LRP1B: variants seen among roughly 807,000 people sequenced by gnomAD.
The protein encoded by LRP1B is LDL receptor related protein 1B.
Under a neutral mutation model 556.6 loss-of-function variants are expected in LRP1B, and 217 were observed. That is an observed-to-expected ratio of 0.39 (90% CI 0.35 to 0.44). The LOEUF is 0.44. Among genes scored for constraint, LRP1B ranks in the 20% least tolerant of loss-of-function variants. LRP1B has a pLI of 1.00. For missense variants in LRP1B, 5,053 were observed against 5,620.8 expected (o/e 0.90, Z 3.23); for synonymous variants, 2,047 against 1,865.8 (o/e 1.10, Z -2.50).
At chr2:140,834,253 T>A (rs1691820431) in intron 31 of LRP1B, among the ~76,000 whole-genome samples, 1 of 152,180 alleles carries the variant, frequency 6.6e-6, no homozygotes, top group Admixed American at 6.5e-5. Flanking sequence ...TATTATTATT[T>A]TTTGAGACGG....
At chr2:142,002,116 T>C (rs759309601) in intron 1 of LRP1B, among the ~76,000 whole-genome samples, 7 of 152,090 alleles carry the variant, frequency 4.6e-5, no homozygotes, top group Non-Finnish European at 7.4e-5. Context: ...ATATCACAAG[T>C]AGGAACCACT....
chr2:140,771,048 T>C (rs977623943), intron 33 of LRP1B, 42 bp from the exon 34 acceptor site: 1 of 1,482,568 alleles, frequency 6.7e-7, no homozygotes, highest in Non-Finnish European at 9.1e-7. Flanking sequence ...TAATGAAATT[T>C]TTAAAAAATA....
At chr2:140,745,745 C>G (rs952322897) in intron 35 of LRP1B, among the ~76,000 whole-genome samples, 2 of 152,020 alleles carry the variant, frequency 1.3e-5, no homozygotes, top group East Asian at 3.9e-4. Flanking sequence ...ATTTTGCCAT[C>G]CTTGGTATAA....
intron 3 of LRP1B, among the ~76,000 whole-genome samples, chr2:141,276,106 G>A (rs17529995): frequency 6.6e-6 from 1 of 151,888 alleles, no homozygotes; most frequent in African/African-American, 2.4e-5. Flanking sequence ...TTTGGTGAAG[G>A]CTATCTTAGC....
intron 27 of LRP1B, among the ~76,000 whole-genome samples, chr2:140,857,275 T>C (rs2105133352): frequency 6.6e-6 from 1 of 152,312 alleles, no homozygotes; most frequent in Non-Finnish European, 1.5e-5. Flanking sequence ...AAGATTTTTC[T>C]CCCTCCCATG....
At chr2:142,039,478 GA>G (rs978337582) in intron 1 of LRP1B, among the ~76,000 whole-genome samples, 7 of 150,944 alleles carry the variant, frequency 4.6e-5, no homozygotes, top group African/African-American at 1.7e-4. Context: ...TCCGAAAACA[GA>G]AAAAAACAGA....
chr2:141,497,921 T>C (rs941366379), intron 2 of LRP1B, among the ~76,000 whole-genome samples: 1 of 151,938 alleles, frequency 6.6e-6, no homozygotes, highest in South Asian at 2.1e-4. Context: ...TTTTAAGACA[T>C]GTTTCTAAAA....
chr2:141,478,493 C>A (rs1277724652), intron 3 of LRP1B, among the ~76,000 whole-genome samples: 1 of 149,824 alleles, frequency 6.7e-6, no homozygotes. Context: ...TTTAAAAATC[C>A]TTCTTTCCTT....
At position 141,282,465 on chromosome 2, in the gene LRP1B, T is replaced by TTATATGTATATGTATATGTATATG. The variant is rs71391648; in HGVS notation, c.344-27848_344-27825dup. 6.5e-3 allele frequency among the ~76,000 whole-genome samples: 876 copies of TTATATGTATATGTATATGTATATG among 135,676 alleles called. 14 individuals are homozygous for TTATATGTATATGTATATGTATATG. The highest frequency in any genetic ancestry group is 0.028 in the East Asian group (130 of 4,584). The allele number at this position is 135,676 out of a possible 152,430, so 89.0% of individuals were successfully genotyped here. A position where few individuals can be genotyped will look rare whatever the true frequency, so the allele number is the denominator to read the frequency against. Reference sequence around the variant, plus strand: ...TTTCCTATTGGGCCTCTCGGGGGTTTTATATGTATATGTATATGTATATGT... The same window carrying TTATATGTATATGTATATGTATATG: ...TTTCCTATTGGGCCTCTCGGGGGTTTTATATGTATATGTATATGTATATGTATATGTATATGTATATGTATATGT... On this transcript the variant is annotated intron_variant, in intron 3 of 90. Coordinates refer to ENST00000389484, the MANE Select transcript of LRP1B (RefSeq NM_018557.3).
At chr2:140,523,638 T>C (rs1690283458) in intron 49 of LRP1B, among the ~76,000 whole-genome samples, 1 of 151,782 alleles carries the variant, frequency 6.6e-6, no homozygotes, top group Non-Finnish European at 1.5e-5. Flanking sequence ...CTAAAGACTC[T>C]GCAAAAAAGG....
chr2:140,532,344 T>C (rs1235745770), intron 47 of LRP1B, among the ~76,000 whole-genome samples: 1 of 151,436 alleles, frequency 6.6e-6, no homozygotes, highest in Non-Finnish European at 1.5e-5. Context: ...TGCACCTTCA[T>C]GCCCTGGCTC....
At chr2:140,656,499 A>G (rs1684883559) in intron 41 of LRP1B, among the ~76,000 whole-genome samples, 1 of 152,210 alleles carries the variant, frequency 6.6e-6, no homozygotes, top group Non-Finnish European at 1.5e-5. Flanking sequence ...TTTTCTTTAA[A>G]GAAAAATATC....
At chr2:141,462,766 G>A (rs1681932416) in intron 3 of LRP1B, among the ~76,000 whole-genome samples, 1 of 151,982 alleles carries the variant, frequency 6.6e-6, no homozygotes, top group Non-Finnish European at 1.5e-5. Flanking sequence ...TCTATACGCT[G>A]TCTTATTGTT....
At position 141,065,818 on chromosome 2, in the gene LRP1B, GTC is replaced by G. The variant is rs1164647369; in HGVS notation, c.1014-3547_1014-3546del. Among the ~76,000 whole-genome samples, 7 of 151,810 alleles carry G rather than the reference GTC, an allele frequency of 4.6e-5. No homozygotes were observed. In the East Asian group the frequency reaches 1.4e-3, roughly 30 times the overall value. On this transcript the variant is annotated intron_variant, in intron 7 of 90. Coordinates refer to ENST00000389484, the MANE Select transcript of LRP1B (RefSeq NM_018557.3). The stretch of plus-strand genomic sequence containing the variant: ...AACTCTCTTAACTTCCAGGGTCCTA[GTC>G]TCTTTTTCAGCATCTCCCCGCACCA...
At chr2:140,291,659 A>G (rs1573743348) in intron 84 of LRP1B, among the ~76,000 whole-genome samples, 1 of 152,108 alleles carries the variant, frequency 6.6e-6, no homozygotes, top group Non-Finnish European at 1.5e-5. Flanking sequence ...CTATGGCTGC[A>G]TAGTATTCCA....
At chr2:141,786,792 T>C (rs541043958) in intron 2 of LRP1B, among the ~76,000 whole-genome samples, 3 of 152,010 alleles carry the variant, frequency 2.0e-5, no homozygotes, top group Admixed American at 6.6e-5. Flanking sequence ...AAAATGTCTT[T>C]TTACATGCTG....
intron 3 of LRP1B, among the ~76,000 whole-genome samples, chr2:141,424,479 C>T (rs1455527971): frequency 3.3e-5 from 5 of 152,190 alleles, no homozygotes. Flanking sequence ...TAGGACATTG[C>T]AATGTGACTC....
At chr2:141,381,919 C>G (rs74318662) in intron 3 of LRP1B, among the ~76,000 whole-genome samples, 7,852 of 152,198 alleles carry the variant, frequency 0.052, 231 homozygotes, top group South Asian at 0.08. Context: ...GTGGGATCCT[C>G]AGAATTTAGG....
chr2:140,465,424 C>T (rs1687503909), intron 60 of LRP1B, among the ~76,000 whole-genome samples: 1 of 152,148 alleles, frequency 6.6e-6, no homozygotes, highest in South Asian at 2.1e-4. Flanking sequence ...CTCCTCTGTC[C>T]TAGATTCAAC....
Sources: gnomAD v4.1 joint callset for allele counts (sites outside exome capture counted in the v4.1 genomes callset) on GRCh38, gnomAD v4.1.1 for gene constraint, MANE v1.5 for transcripts, NCBI Gene and HGNC (gene_info 2026-07-23, HGNC 2026-07-21) for gene names.